The following CEP63 variants were observed in gnomAD, a reference collection of about 807,000 sequenced individuals.
The protein encoded by CEP63 is centrosomal protein 63, also known as centrosomal protein of 63 kDa.
A neutral mutation model predicts 89.1 loss-of-function variants in CEP63; 84 were observed. The observed-to-expected ratio is 0.94, with a 90% CI of 0.79 to 1.13. The LOEUF (loss-of-function observed/expected upper bound fraction) is 1.13. Ranked by LOEUF, CEP63 falls within the 50% of genes most tolerant of loss-of-function variation. The pLI is 0.00. For synonymous variants in CEP63, 267 were observed against 272.5 expected (o/e 0.98, Z 0.20); for missense variants, 838 against 813.3 (o/e 1.03, Z -0.37).
At chr3:134,534,211 A>G (rs1271197613) in intron 5 of CEP63, among the ~76,000 whole-genome samples, 1 of 152,130 alleles carries the variant, frequency 6.6e-6, no homozygotes, top group Non-Finnish European at 1.5e-5. Context: ...AACTTTGAGG[A>G]TCTTAGGATC....
chr3:134,522,758 T>C (rs542321952), intron 3 of CEP63, among the ~76,000 whole-genome samples: 1 of 152,260 alleles, frequency 6.6e-6, no homozygotes, highest in Non-Finnish European at 1.5e-5. Context: ...TTCTTTTTTA[T>C]GGCTGCATAG....
At chr3:134,703,287 C>G in the CEP63 span, among the ~76,000 whole-genome samples, 1 of 104,180 alleles carries the variant, frequency 9.6e-6, no homozygotes, top group African/African-American at 3.4e-5. Context: ...CAGAGTGAGA[C>G]TCCGTCTCAA....
At chr3:134,637,967 C>T in the CEP63 span, among the ~76,000 whole-genome samples, 7 of 152,362 alleles carry the variant, frequency 4.6e-5, no homozygotes, top group South Asian at 1.2e-3. Flanking sequence ...TCTGTGATTC[C>T]TCTTCCCTCT....
At chr3:134,585,955 C>A (rs1170719532) in intron 10 of CEP63, among the ~76,000 whole-genome samples, 2 of 152,056 alleles carry the variant, frequency 1.3e-5, no homozygotes, top group Middle Eastern at 3.2e-3. Context: ...ATGTAATGGC[C>A]TTCTTTGTCT....
intron 2 of CEP63, among the ~76,000 whole-genome samples, chr3:134,496,135 T>G (rs1939840508): frequency 6.6e-6 from 1 of 152,152 alleles, no homozygotes; most frequent in African/African-American, 2.4e-5. Context: ...TGGTGCAAAG[T>G]CAGACATAAC....
At chr3:134,627,882 G>A in the CEP63 span, 30 of 1,293,044 alleles carry the variant, frequency 2.3e-5, no homozygotes, top group Non-Finnish European at 3.0e-5. Flanking sequence ...AAGCACTGAT[G>A]ACTCACCTTC....
At chr3:134,629,773 T>TA in the CEP63 span, 2 of 840,448 alleles carry the variant, frequency 2.4e-6, no homozygotes, top group Non-Finnish European at 3.9e-6. Flanking sequence ...GATGATTGAA[T>TA]AAAAAAACAA....
the CEP63 span, among the ~76,000 whole-genome samples, chr3:134,596,008 G>A: frequency 5.0e-4 from 61 of 121,418 alleles, 1 homozygote; most frequent in East Asian, 0.014. Flanking sequence ...GAGAAAACAG[G>A]TTCTTCTGGG....
At chr3:134,630,960 A>C in the CEP63 span, among the ~76,000 whole-genome samples, 1 of 152,220 alleles carries the variant, frequency 6.6e-6, no homozygotes, top group South Asian at 2.1e-4. Flanking sequence ...TATAGTTAAA[A>C]ATTCTCTGGA....
the CEP63 span, among the ~76,000 whole-genome samples, chr3:134,702,405 C>T: frequency 6.6e-6 from 1 of 151,590 alleles, no homozygotes; most frequent in East Asian, 1.9e-4. Flanking sequence ...AAAAACAGCC[C>T]GAATAGCCAA....
chr3:134,538,208 T>G (rs1444149459), intron 6 of CEP63, among the ~76,000 whole-genome samples: 1 of 151,254 alleles, frequency 6.6e-6, no homozygotes, highest in Admixed American at 6.6e-5. Flanking sequence ...GTTTTTTTTT[T>G]TTTTTTTTTT....
chr3:134,632,882 A>G, the CEP63 span, among the ~76,000 whole-genome samples: 92,743 of 151,744 alleles, frequency 0.61, 28,958 homozygotes, highest in East Asian at 0.85. Flanking sequence ...AAGAGGCAAG[A>G]CACAAATCAG....
chr3:134,559,290 C>A lies in CEP63; in HGVS notation c.1814C>A (p.Pro605His). 1 of 1,614,138 alleles carries A rather than the reference C, an allele frequency of 6.2e-7. No homozygotes were observed. The highest frequency in any genetic ancestry group is 1.3e-5 in the African/African-American group (1 of 75,038). The change falls in exon 14 of 15, where the codon CCT becomes CAT. Residue 605 changes from proline (P) to histidine (H), a missense_variant. By Grantham distance (77) the Pro-to-His change is moderately conservative (BLOSUM62 -2). Coordinates refer to ENST00000675561, the MANE Select transcript of CEP63 (RefSeq NM_001353108.3). ...AGCCCCCTGAGTCCTCAAATCAGCCCTTGCAGCTCCACCAGGTCTTTGACT... is the reference window on the plus strand; with the variant it reads ...AGCCCCCTGAGTCCTCAAATCAGCCATTGCAGCTCCACCAGGTCTTTGACT... Reference protein sequence around the residue: ...VLSPLSPQISPCSSTRSLTSY... With the variant: ...VLSPLSPQISHCSSTRSLTSY...
intron 1 of CEP63, chr3:134,486,603 ACCTT>A (rs10556352): frequency 0.66 from 621,131 of 935,052 alleles, 208,549 homozygotes; most frequent in East Asian, 0.82. Context: ...CGGCGGACCC[ACCTT>A]CCTTTTCAGC....
intron 1 of CEP63, among the ~76,000 whole-genome samples, chr3:134,491,634 TTCTC>T (rs750721114): frequency 3.0e-4 from 45 of 152,260 alleles, no homozygotes; most frequent in Admixed American, 9.2e-4. Context: ...TTTGAAAAGT[TTCTC>T]TAATACCTTA....
chr3:134,591,016 C>T (rs574615851), downstream of CEP63, among the ~76,000 whole-genome samples: 29 of 152,256 alleles, frequency 1.9e-4, no homozygotes, highest in African/African-American at 7.0e-4. Context: ...CCAAGCAGAC[C>T]TCTTTCTTGG....
At chr3:134,631,136 G>A in the CEP63 span, among the ~76,000 whole-genome samples, 1 of 152,136 alleles carries the variant, frequency 6.6e-6, no homozygotes, top group Non-Finnish European at 1.5e-5. Context: ...GTCTCAGAAG[G>A]CAAAGAGAAA....
chr3:134,583,418 A>G (rs1006893251), intron 10 of CEP63, among the ~76,000 whole-genome samples: 3 of 152,070 alleles, frequency 2.0e-5, no homozygotes, highest in Non-Finnish European at 4.4e-5. Flanking sequence ...TTTTCCCAGC[A>G]CCATTTATTA....
Position 134,558,172 on chromosome 3 carries a change from G to A in CEP63, c.1498G>A (p.Glu500Lys), listed in dbSNP as rs1235488221. Residue 500 changes from glutamate (E) to lysine (K), a missense_variant, in exon 13 of 15, where the codon GAG becomes AAG. Glu to Lys is a moderately conservative substitution (Grantham distance 56, BLOSUM62 1). Coordinates refer to ENST00000675561, the MANE Select transcript of CEP63 (RefSeq NM_001353108.3). ...AGAGATTTCACTAGCAGACCTCCAG[G>A]AGAATTATATTGAGGCATTAAATAA... ...AKEISLADLQ[E>K]NYIEALNKLV... 3 of 1,613,560 alleles carry A rather than the reference G, an allele frequency of 1.9e-6. No individual in the cohort carries two copies. The East Asian group carries it at 6.7e-5, about 36-fold the overall frequency.
Sources: allele counts gnomAD v4.1 joint callset (sites outside exome capture counted in the v4.1 genomes callset), GRCh38; gene constraint gnomAD v4.1.1; transcripts MANE v1.5; gene names NCBI Gene and HGNC (gene_info 2026-07-23, HGNC 2026-07-21).